ZFAND1: variants seen among roughly 807,000 people sequenced by gnomAD.
ZFAND1 encodes the protein AN1-type zinc finger protein 1.
In ZFAND1, 40 loss-of-function variants were observed where a neutral mutation model predicts 38.5. The observed-to-expected ratio is 1.04, with a 90% CI of 0.81 to 1.35. The LOEUF is 1.35. Ranked by LOEUF, ZFAND1 falls within the 40% of genes most tolerant of loss-of-function variation. The pLI is 0.00. For missense variants in ZFAND1, 346 were observed against 316.3 expected (o/e 1.09, Z -0.71); for synonymous variants, 117 against 103.6 (o/e 1.13, Z -0.78).
chr8:81,719,073 C>A (rs975660930), intron 1 of ZFAND1, among the ~76,000 whole-genome samples: 2 of 151,598 alleles, frequency 1.3e-5, no homozygotes, highest in African/African-American at 4.9e-5. Flanking sequence ...CTTACAGAAA[C>A]CAAATGAGAT....
intron 5 of ZFAND1, chr8:81,714,574 C>T (rs1808242765): frequency 4.3e-6 from 2 of 461,028 alleles, no homozygotes; most frequent in African/African-American, 2.0e-5. Context: ...ATCTAAGTGG[C>T]TCAGCAAAAG....
chr8:81,708,673 T>G, intron 6 of ZFAND1: 1 of 782,776 alleles, frequency 1.3e-6, no homozygotes. Context: ...GCCACCAGAC[T>G]GTAAAATATT....
chr8:81,702,281 A>C lies in ZFAND1; in HGVS notation c.*414T>G, dbSNP rs952009018. The stretch of plus-strand genomic sequence containing the variant: ...GTATGATACATGCATCTTTTAAGAG[A>C]AAACCGAAGTGTATTTCATCTCTTT... On this transcript the variant is annotated 3_prime_UTR_variant, in exon 8 of 8. Coordinates refer to ENST00000220669, the MANE Select transcript of ZFAND1 (RefSeq NM_024699.3). 2.6e-5 allele frequency: 4 copies of C among 153,324 alleles called. No homozygotes were observed. The highest frequency in any genetic ancestry group is 9.6e-5 in the African/African-American group (4 of 41,474). The allele number at this position is 153,324 out of a possible 1,614,324, so 9.5% of individuals were successfully genotyped here. A position where few individuals can be genotyped will look rare whatever the true frequency, so the allele number is the denominator to read the frequency against.
At chr8:81,706,911 T>C (rs932388244) in intron 6 of ZFAND1, among the ~76,000 whole-genome samples, 3 of 151,804 alleles carry the variant, frequency 2.0e-5, no homozygotes, top group Non-Finnish European at 2.9e-5. Context: ...TAAGTAGCAA[T>C]GAAAATAAGG....
At chr8:81,717,489 C>CTTCA (rs1808352038) in intron 2 of ZFAND1, among the ~76,000 whole-genome samples, 1 of 152,084 alleles carries the variant, frequency 6.6e-6, no homozygotes, top group African/African-American at 2.4e-5. Flanking sequence ...AAATGTTCAA[C>CTTCA]TTCAATATGA....
chr8:81,705,948 C>A (rs886827687), intron 6 of ZFAND1, among the ~76,000 whole-genome samples: 1 of 151,896 alleles, frequency 6.6e-6, no homozygotes, highest in Non-Finnish European at 1.5e-5. Flanking sequence ...TATAGATCCC[C>A]AAAATATGTC....
rs1479305532 is a variant in ZFAND1 at position 81,702,112 on chromosome 8, T to G, written c.*583A>C. 6.6e-6 allele frequency: 1 copy of G among 152,150 alleles called. No homozygotes were observed. Among genetic ancestry groups the G allele is most frequent in the Non-Finnish European group, 1.5e-5 (1 of 68,032 alleles). 9.4% of individuals were successfully genotyped at this position (152,150 alleles called of 1,614,324 possible). A position where few individuals can be genotyped will look rare whatever the true frequency, so the allele number is the denominator to read the frequency against. On this transcript the variant is annotated 3_prime_UTR_variant, in exon 8 of 8. Transcript: ENST00000220669. ...AGGCCTAAGATTCTTCATGTAAAAATTATAAGACTGAATAAAGATCACTTC... is the reference window on the plus strand; with the variant it reads ...AGGCCTAAGATTCTTCATGTAAAAAGTATAAGACTGAATAAAGATCACTTC...
rs1296790284 is a variant in ZFAND1, at chr8:81,713,922, G to A, written c.476C>T (p.Pro159Leu). Residue 159 changes from proline to leucine, a missense_variant, in exon 6 of 8, where the codon CCA becomes CTA. Transcript: ENST00000220669. ...KMHADGDKSL[P>L]QTERIYFQVF... ...TAAAAAATCTCTAAGACCAACCTGT[G>A]GTAATGACTTATCGCCATCAGCATG... The A allele has an allele frequency of 9.9e-6, 16 of 1,612,760 alleles. No individual in the cohort carries two copies. The highest frequency in any genetic ancestry group is 1.2e-5 in the Non-Finnish European group (14 of 1,179,672).
At chr8:81,707,539 C>T (rs6992302) in intron 6 of ZFAND1, among the ~76,000 whole-genome samples, 2,769 of 152,158 alleles carry the variant, frequency 0.018, 78 homozygotes, top group African/African-American at 0.061. Flanking sequence ...ATTATGATAA[C>T]CTATAAATCC....
chr8:81,717,328 TTAAAGA>T (rs762589102), intron 2 of ZFAND1, 40 bp from the exon 3 acceptor site: 9 of 1,465,592 alleles, frequency 6.1e-6, no homozygotes, highest in Non-Finnish European at 8.1e-6. Context: ...AATAACATAC[TTAAAGA>T]TAACTGCAGA....
rs1317295745 is a variant in ZFAND1 at position 81,702,130 on chromosome 8, A to G, written c.*565T>C. 6.6e-6 allele frequency: 1 copy of G among 152,196 alleles called. No individual in the cohort carries two copies. Among genetic ancestry groups the G allele is most frequent in the Non-Finnish European group, 1.5e-5 (1 of 68,032 alleles). 9.4% of individuals were successfully genotyped at this position (152,196 alleles called of 1,614,324 possible). A position where few individuals can be genotyped will look rare whatever the true frequency, so the allele number is the denominator to read the frequency against. On this transcript the variant is annotated 3_prime_UTR_variant, in exon 8 of 8. Coordinates refer to ENST00000220669, the MANE Select transcript of ZFAND1 (RefSeq NM_024699.3). ...GTAAAAATTATAAGACTGAATAAAGATCACTTCTAAGTTTCTATAATTCAT... is the reference window on the plus strand; with the variant it reads ...GTAAAAATTATAAGACTGAATAAAGGTCACTTCTAAGTTTCTATAATTCAT...
Position 81,721,259 on chromosome 8 carries a change from T to C in ZFAND1, c.23A>G (p.Gln8Arg), listed in dbSNP as rs764209106. ...CCGGCAATGCTCCACCTGGCAGTGC[T>C]GCCCGATGTCCAACTCCGCCATCTC... MAELDIGQHCQVEHCRQR... is the reference protein window; with the variant it reads MAELDIGRHCQVEHCRQR... Residue 8 changes from glutamine (Q) to arginine (R), a missense_variant, in exon 1 of 8, where the codon CAG becomes CGG. Gln to Arg is a conservative substitution (Grantham distance 43). Transcript: ENST00000220669. The C allele has an allele frequency of 5.2e-5, 81 of 1,549,278 alleles. 2 individuals are homozygous for C. The South Asian group carries it at 8.8e-4, about 17-fold the overall frequency.
chr8:81,705,806 C>A (rs2130390639), intron 6 of ZFAND1, among the ~76,000 whole-genome samples: 1 of 152,290 alleles, frequency 6.6e-6, no homozygotes, highest in South Asian at 2.1e-4. Context: ...GTAGTCCCAG[C>A]TACTCAGGAG....
intron 6 of ZFAND1, among the ~76,000 whole-genome samples, chr8:81,710,499 T>G (rs1250154186): frequency 6.6e-6 from 1 of 151,738 alleles, no homozygotes; most frequent in Non-Finnish European, 1.5e-5. Flanking sequence ...AGAAAATACA[T>G]GATGGAAGAA....
intron 6 of ZFAND1, among the ~76,000 whole-genome samples, chr8:81,705,205 T>C (rs549511607): frequency 6.6e-6 from 1 of 152,262 alleles, no homozygotes; most frequent in Non-Finnish European, 1.5e-5. Context: ...GAATGCTGAC[T>C]TAAGTATAAA....
At position 81,714,843 on chromosome 8, in the gene ZFAND1, G is replaced by A. The variant is rs1366687469; in HGVS notation, c.319C>T (p.Arg107Ter). The A allele has an allele frequency of 5.0e-6, 8 of 1,613,904 alleles. No homozygotes were observed. The Admixed American group carries it at 5.0e-5, about 10-fold the overall frequency. The change falls in exon 5 of 8, where the codon CGA becomes TGA. Residue 107 changes from arginine to a stop codon, truncating the protein, a stop_gained. Coordinates refer to ENST00000220669, the MANE Select transcript of ZFAND1 (RefSeq NM_024699.3). LOFTEE classifies it high-confidence loss of function. Reference protein sequence around the residue: ...ECEKLEIPKPRMAATQKLVKD... With the variant: ...ECEKLEIPKP Reference sequence around the variant, plus strand: ...ACAAGTTTCTGAGTGGCAGCCATTCGAGGCTTTGGGATTTCCAGTTTTTCA... The same window carrying A: ...ACAAGTTTCTGAGTGGCAGCCATTCAAGGCTTTGGGATTTCCAGTTTTTCA...
chr8:81,717,303 G>A lies in ZFAND1; in HGVS notation c.99-15C>T. 2 of 1,510,064 alleles carry A rather than the reference G, an allele frequency of 1.3e-6. No individual in the cohort carries two copies. The highest frequency in any genetic ancestry group is 5.2e-5 in the East Asian group (2 of 38,352). 93.5% of individuals were successfully genotyped at this position (1,510,064 alleles called of 1,614,324 possible). ...TGTGTTCAAGGCTTAAATAATAATA[G>A]CAAGTGTTTATTTAAATAACATACT... is the stretch of plus-strand genomic sequence containing the variant. On this transcript the variant is annotated splice_polypyrimidine_tract_variant and intron_variant, in intron 2 of 7. Coordinates refer to ENST00000220669, the MANE Select transcript of ZFAND1 (RefSeq NM_024699.3).
chr8:81,714,695 C>G, intron 5 of ZFAND1, 109 bp downstream of exon 5: 1 of 880,156 alleles, frequency 1.1e-6, no homozygotes, highest in East Asian at 2.5e-5. Flanking sequence ...CAAGTTAATA[C>G]GAATACCACT....
At chr8:81,710,129 C>T (rs960580502) in intron 6 of ZFAND1, among the ~76,000 whole-genome samples, 1 of 152,186 alleles carries the variant, frequency 6.6e-6, no homozygotes, top group Non-Finnish European at 1.5e-5. Context: ...CCTCTACCAA[C>T]TAAATACCAG....
Sources: allele counts gnomAD v4.1 joint callset (sites outside exome capture counted in the v4.1 genomes callset), GRCh38; gene constraint gnomAD v4.1.1; transcripts MANE v1.5; gene names NCBI Gene and HGNC (gene_info 2026-07-23, HGNC 2026-07-21).